Variants in GABRG3 observed in about 807,000 individuals in gnomAD.
GABRG3 encodes the protein gamma-aminobutyric acid receptor subunit gamma-3.
Under a neutral mutation model 48.8 loss-of-function variants are expected in GABRG3, and 25 were observed. The observed-to-expected ratio is 0.51, with a 90% CI of 0.37 to 0.72. The LOEUF (loss-of-function observed/expected upper bound fraction) is 0.72, where lower values mean the gene tolerates loss of function less well. Among genes scored for constraint, GABRG3 ranks in the 30% least tolerant of loss-of-function variants. The probability of loss-of-function intolerance (pLI) is 0.00; values close to 1 mark genes in which losing one functional copy is unlikely to be tolerated. For synonymous variants in GABRG3, 227 were observed against 217.6 expected, an observed-to-expected ratio of 1.04 and a Z score of -0.38; for missense variants, 394 against 577.9, an observed-to-expected ratio of 0.68 and a Z score of 3.26.
At chr15:27,516,818 A>G (rs754933659) in intron 6 of GABRG3, among the ~76,000 whole-genome samples, 12 of 152,252 alleles carry the variant, frequency 7.9e-5, no homozygotes, top group Non-Finnish European at 1.5e-4. Context: ...CCTGGGGCAA[A>G]TTTTATTTCT....
At chr15:27,513,324 C>T (rs887125438) in intron 6 of GABRG3, among the ~76,000 whole-genome samples, 12 of 151,932 alleles carry the variant, frequency 7.9e-5, no homozygotes, top group African/African-American at 2.9e-4. Flanking sequence ...GTGGTGGGCG[C>T]CTGTAGTCCC....
chr15:27,456,142 G>A (rs1889269203), intron 5 of GABRG3, among the ~76,000 whole-genome samples: 1 of 152,168 alleles, frequency 6.6e-6, no homozygotes, highest in Non-Finnish European at 1.5e-5. Context: ...ATGACCAGGT[G>A]CCAGTAACTG....
At chr15:27,216,218 T>C (rs1367183203) in intron 3 of GABRG3, among the ~76,000 whole-genome samples, 1 of 152,230 alleles carries the variant, frequency 6.6e-6, no homozygotes, top group African/African-American at 2.4e-5. Flanking sequence ...TGCAGGGCCC[T>C]CTGCAAACTC....
chr15:26,977,959 G>T, intron 2 of GABRG3, among the ~76,000 whole-genome samples: 1 of 152,188 alleles, frequency 6.6e-6, no homozygotes, highest in East Asian at 1.9e-4. Flanking sequence ...GAGAGATCCA[G>T]TTTCTTTGTG....
At chr15:27,415,500 T>A (rs1887914822) in intron 5 of GABRG3, among the ~76,000 whole-genome samples, 1 of 151,964 alleles carries the variant, frequency 6.6e-6, no homozygotes, top group African/African-American at 2.4e-5. Flanking sequence ...CATTCCTAAA[T>A]AAGAATGATA....
intron 3 of GABRG3, among the ~76,000 whole-genome samples, chr15:27,305,184 T>G (rs1892354280): frequency 6.6e-6 from 1 of 151,772 alleles, no homozygotes; most frequent in South Asian, 2.1e-4. Context: ...TTTTTCTCCA[T>G]TGAATTATTT....
chr15:27,457,012 G>A lies in GABRG3; in HGVS notation c.575-23638G>A, dbSNP rs1040577875. Among the ~76,000 whole-genome samples, 1 of 152,192 alleles carries A rather than the reference G, an allele frequency of 6.6e-6. No individual in the cohort carries two copies. Among genetic ancestry groups the A allele is most frequent in the Non-Finnish European group, 1.5e-5 (1 of 68,034 alleles). ...CACTTTCCCGAGCTCCACCTACCACGCCGACCTCAGAAGGACCTGTGACAG... is the reference window on the plus strand; with the variant it reads ...CACTTTCCCGAGCTCCACCTACCACACCGACCTCAGAAGGACCTGTGACAG... On this transcript the variant is annotated intron_variant, in intron 5 of 9. Coordinates refer to ENST00000615808, the MANE Select transcript of GABRG3 (RefSeq NM_033223.5). This position sits in a 1 kb window ranked among gnomAD's most constrained non-coding sequence, Gnocchi z 4.4.
chr15:27,336,849 AT>A (rs1893994025), intron 5 of GABRG3, among the ~76,000 whole-genome samples: 2 of 152,226 alleles, frequency 1.3e-5, no homozygotes, highest in Non-Finnish European at 2.9e-5. Context: ...CAAATTACTC[AT>A]ATATGCAAGA....
chr15:27,102,086 G>A (rs1189845701), intron 3 of GABRG3, among the ~76,000 whole-genome samples: 3 of 152,134 alleles, frequency 2.0e-5, no homozygotes, highest in Admixed American at 6.6e-5. Context: ...CCACGCCATC[G>A]TGGACTCCCC....
chr15:27,530,530 A>G (rs1303481619), intron 9 of GABRG3: 2 of 447,780 alleles, frequency 4.5e-6, no homozygotes, highest in African/African-American at 2.0e-5. Flanking sequence ...ACATAATAAG[A>G]GCTATTTTCA....
intron 5 of GABRG3, among the ~76,000 whole-genome samples, chr15:27,334,331 T>C (rs1376565827): frequency 6.6e-6 from 1 of 152,136 alleles, no homozygotes; most frequent in African/African-American, 2.4e-5. Context: ...TGTAAGCTAA[T>C]ATAGGGGTTC....
intron 6 of GABRG3, among the ~76,000 whole-genome samples, chr15:27,511,406 G>C (rs773760274): frequency 6.6e-6 from 1 of 152,178 alleles, no homozygotes; most frequent in Non-Finnish European, 1.5e-5. Flanking sequence ...GAAGGGACAG[G>C]CCCATTCCAT....
chr15:27,351,857 T>G lies in GABRG3; in HGVS notation c.574+22969T>G, dbSNP rs1284777841. Among the ~76,000 whole-genome samples the G allele has an allele frequency of 6.4e-5, 9 of 141,326 alleles. No individual in the cohort carries two copies. The East Asian group carries it at 6.4e-4, about 10-fold the overall frequency. 92.7% of individuals were successfully genotyped at this position (141,326 alleles called of 152,430 possible). A position where few individuals can be genotyped will look rare whatever the true frequency, so the allele number is the denominator to read the frequency against. On this transcript the variant is annotated intron_variant, in intron 5 of 9. Coordinates refer to ENST00000615808, the MANE Select transcript of GABRG3 (RefSeq NM_033223.5). ...TAGTGTGTGTGTTTGTATGGTGTGT[T>G]TGTGTATGGTGTGTGCGTATGTATG...
At chr15:27,043,623 C>T (rs181905195) in intron 3 of GABRG3, among the ~76,000 whole-genome samples, 8 of 152,312 alleles carry the variant, frequency 5.3e-5, no homozygotes, top group East Asian at 1.9e-4. Context: ...CTGCTCAGCT[C>T]GCTGGAACAC....
intron 2 of GABRG3, among the ~76,000 whole-genome samples, chr15:27,002,760 A>AAAAAAAAAAGG (rs71130292): frequency 7.9e-6 from 1 of 125,930 alleles, no homozygotes; most frequent in Non-Finnish European, 1.6e-5. Context: ...AAAAAAAAAA[A>AAAAAAAAAAGG]AAAGGAAGGA....
chr15:27,224,914 C>G (rs1889563786), intron 3 of GABRG3, among the ~76,000 whole-genome samples: 1 of 151,588 alleles, frequency 6.6e-6, no homozygotes. Context: ...CCCTAGGTTT[C>G]CTTCCAGGAG....
intron 3 of GABRG3, among the ~76,000 whole-genome samples, chr15:27,062,521 T>C (rs1896668445): frequency 6.7e-6 from 1 of 148,678 alleles, no homozygotes; most frequent in African/African-American, 2.5e-5. Context: ...GGCAGGAGAA[T>C]CGCTTGAACC....
intron 3 of GABRG3, among the ~76,000 whole-genome samples, chr15:27,136,364 G>T (rs1898007955): frequency 6.6e-6 from 1 of 152,146 alleles, no homozygotes; most frequent in South Asian, 2.1e-4. Context: ...ATTTTCAAGA[G>T]ATTTTTTTGA....
chr15:27,193,549 C>G (rs112968461), intron 3 of GABRG3, among the ~76,000 whole-genome samples: 4 of 152,048 alleles, frequency 2.6e-5, no homozygotes, highest in Admixed American at 2.6e-4. Context: ...TCTCCTGGTG[C>G]GCCGTTTTTT....
Sources: gnomAD v4.1 joint callset for allele counts (sites outside exome capture counted in the v4.1 genomes callset) on GRCh38, gnomAD v4.1.1 for gene constraint, Gnocchi (gnomAD v3.1) non-coding constraint, MANE v1.5 for transcripts, NCBI Gene and HGNC (gene_info 2026-07-23, HGNC 2026-07-21) for gene names.